Variants in WWOX observed in about 807,000 individuals in gnomAD.
WWOX encodes WW domain-containing oxidoreductase.
Under a neutral mutation model 46.2 loss-of-function variants are expected in WWOX, and 69 were observed. The ratio of observed to expected loss-of-function variants is 1.49; its 90% CI spans 1.23 to 1.82. The LOEUF is 1.82. Ranked by LOEUF, WWOX falls within the 40% of genes most tolerant of loss-of-function variation. WWOX has a pLI of 0.00. For synonymous variants in WWOX, 359 were observed against 202.6 expected (o/e 1.77, Z -6.56); for missense variants, 919 against 542.6 (o/e 1.69, Z -6.89).
intron 5 of WWOX, among the ~76,000 whole-genome samples, chr16:78,334,833 T>TACAC (rs907694061): frequency 4.2e-3 from 440 of 104,502 alleles, no homozygotes; most frequent in Middle Eastern, 0.017. Flanking sequence ...CACACACACA[T>TACAC]ACACACACAC....
chr16:78,865,042 C>T lies in WWOX; in HGVS notation c.1057-346566C>T, dbSNP rs552795327. ...CCTCCCAAAGTGCTGTGATTACAGG[C>T]GTGAGCCACCGCGCCTGGCTTTCAA... On this transcript the variant is annotated intron_variant, in intron 8 of 8. Transcript: ENST00000566780. Among the ~76,000 whole-genome samples, 54 of 152,104 alleles carry T rather than the reference C, an allele frequency of 3.6e-4. No homozygotes were observed. The East Asian group carries it at 4.3e-3, about 12-fold the overall frequency.
intron 8 of WWOX, among the ~76,000 whole-genome samples, chr16:79,196,661 T>G (rs2051246636): frequency 6.6e-6 from 1 of 152,040 alleles, no homozygotes; most frequent in Admixed American, 6.6e-5. Flanking sequence ...CCAGTTCTCA[T>G]CCTGTACACT....
At chr16:79,063,891 C>G (rs925312021) in intron 8 of WWOX, among the ~76,000 whole-genome samples, 1 of 152,160 alleles carries the variant, frequency 6.6e-6, no homozygotes, top group Admixed American at 6.5e-5. Context: ...TAGGAATTGT[C>G]AAAGATAATG....
chr16:78,380,304 C>T lies in WWOX; in HGVS notation c.517-6556C>T, dbSNP rs917795464. Among the ~76,000 whole-genome samples, 3 of 152,144 alleles carry T rather than the reference C, an allele frequency of 2.0e-5. No individual in the cohort carries two copies. In the East Asian group the frequency reaches 5.8e-4, roughly 29 times the overall value. On this transcript the variant is annotated intron_variant, in intron 5 of 8. Coordinates refer to ENST00000566780, the MANE Select transcript of WWOX (RefSeq NM_016373.4). ...ATAGCAATTGAAATCTTGCGTTGGG[C>T]TGAATCATGGCTTTGCAGTTATTAT...
intron 8 of WWOX, among the ~76,000 whole-genome samples, chr16:78,726,249 C>G (rs1285431374): frequency 2.7e-5 from 4 of 149,082 alleles, no homozygotes; most frequent in South Asian, 4.3e-4. Flanking sequence ...TTTTTGGAAA[C>G]AGTCTTGCTC....
At chr16:78,696,317 T>A (rs973410821) in intron 8 of WWOX, among the ~76,000 whole-genome samples, 6 of 152,188 alleles carry the variant, frequency 3.9e-5, no homozygotes, top group African/African-American at 1.4e-4. Flanking sequence ...AGCTGAGATT[T>A]AGGCTGCACC....
At chr16:79,131,761 C>T (rs1486785427) in intron 8 of WWOX, among the ~76,000 whole-genome samples, 1 of 152,086 alleles carries the variant, frequency 6.6e-6, no homozygotes, top group South Asian at 2.1e-4. Flanking sequence ...TCCATTTTCA[C>T]ACTGCTTGAT....
At chr16:78,884,447 C>G (rs138542615) in intron 8 of WWOX, among the ~76,000 whole-genome samples, 152 of 152,164 alleles carry the variant, frequency 1.0e-3, no homozygotes, top group African/African-American at 3.2e-3. Context: ...ACCCAGATAT[C>G]TATCAGTGGT....
intron 8 of WWOX, among the ~76,000 whole-genome samples, chr16:78,734,888 T>A (rs929673532): frequency 7.8e-5 from 10 of 127,470 alleles, no homozygotes; most frequent in Non-Finnish European, 1.4e-4. Context: ...TTTTTTGAGA[T>A]AGGGTCTGGC....
chr16:78,531,393 C>T (rs2043617227), intron 8 of WWOX, among the ~76,000 whole-genome samples: 1 of 152,134 alleles, frequency 6.6e-6, no homozygotes, highest in Admixed American at 6.5e-5. Context: ...TTGAATTGTG[C>T]ACCCTGTTTG....
At chr16:78,625,676 A>G (rs1337343002) in intron 8 of WWOX, among the ~76,000 whole-genome samples, 2 of 151,606 alleles carry the variant, frequency 1.3e-5, no homozygotes, top group Non-Finnish European at 2.9e-5. Context: ...AGTAATAATA[A>G]TACTCGGTTG....
rs1216045839 is a variant in WWOX, at chr16:78,209,361, C to T, written c.516+45072C>T. 2.0e-5 allele frequency among the ~76,000 whole-genome samples: 3 copies of T among 152,290 alleles called. No individual in the cohort carries two copies. In the East Asian group the frequency reaches 5.8e-4, roughly 29 times the overall value. Reference sequence around the variant, plus strand: ...CACTTCGGGAGAGAGAGCCCTGTTCCTTCTTCATCTAGCTCAAGCCAACTG... The same window carrying T: ...CACTTCGGGAGAGAGAGCCCTGTTCTTTCTTCATCTAGCTCAAGCCAACTG... On this transcript the variant is annotated intron_variant, in intron 5 of 8. Transcript: ENST00000566780.
intron 8 of WWOX, among the ~76,000 whole-genome samples, chr16:78,709,738 T>TC (rs1419214569): frequency 1.3e-5 from 2 of 151,624 alleles, no homozygotes; most frequent in Non-Finnish European, 2.9e-5. Context: ...GTAAGCATTT[T>TC]TTTTTTTTTT....
chr16:78,820,198 T>C (rs896255967), intron 8 of WWOX, among the ~76,000 whole-genome samples: 1 of 152,130 alleles, frequency 6.6e-6, no homozygotes, highest in African/African-American at 2.4e-5. Context: ...CACTGACATC[T>C]GGGTGTTGTA....
intron 8 of WWOX, among the ~76,000 whole-genome samples, chr16:78,469,337 T>C (rs1019356463): frequency 2.0e-5 from 3 of 152,182 alleles, no homozygotes; most frequent in African/African-American, 7.2e-5. Flanking sequence ...AAGGAAAATA[T>C]AGCTGACTAT....
At chr16:78,803,039 C>T (rs979239857) in intron 8 of WWOX, among the ~76,000 whole-genome samples, 1 of 149,054 alleles carries the variant, frequency 6.7e-6, no homozygotes, top group Non-Finnish European at 1.5e-5. Flanking sequence ...GTACTGTGGC[C>T]AGTAGGTGCA....
chr16:79,096,677 T>C (rs9931714), intron 8 of WWOX, among the ~76,000 whole-genome samples: 22,368 of 152,202 alleles, frequency 0.15, 1,793 homozygotes, highest in African/African-American at 0.18. Context: ...CAATTTCCAG[T>C]TACTTACCCA....
At chr16:78,821,556 A>C (rs562310092) in intron 8 of WWOX, among the ~76,000 whole-genome samples, 3 of 152,344 alleles carry the variant, frequency 2.0e-5, no homozygotes, top group South Asian at 4.1e-4. Flanking sequence ...CATTCCCAAC[A>C]GTGTCCCAGG....
chr16:79,130,950 A>G (rs1045296167), intron 8 of WWOX, among the ~76,000 whole-genome samples: 20 of 152,366 alleles, frequency 1.3e-4, no homozygotes, highest in African/African-American at 2.4e-5. Flanking sequence ...ATTGTTGGCC[A>G]TAAGTGAAAC....
Sources: allele counts gnomAD v4.1 joint callset (sites outside exome capture counted in the v4.1 genomes callset), GRCh38; gene constraint gnomAD v4.1.1; transcripts MANE v1.5; gene names NCBI Gene and HGNC (gene_info 2026-07-23, HGNC 2026-07-21).